PCDH9: variants seen among roughly 807,000 people sequenced by gnomAD.
The protein encoded by PCDH9 is protocadherin-9.
In PCDH9, 24 loss-of-function variants were observed where a neutral mutation model predicts 70.6. The observed-to-expected ratio is 0.34, with a 90% CI of 0.25 to 0.48. PCDH9 has a LOEUF of 0.48. PCDH9 is among the 20% of genes least tolerant of loss of function. PCDH9 has a pLI of 0.99. For missense variants in PCDH9, 1,281 were observed against 1,503.6 expected, an observed-to-expected ratio of 0.85 and a Z score of 2.45; for synonymous variants, 562 against 558.5, an observed-to-expected ratio of 1.01 and a Z score of -0.09.
At chr13:66,345,728 C>T (rs879821263) in intron 4 of PCDH9, among the ~76,000 whole-genome samples, 2 of 152,138 alleles carry the variant, frequency 1.3e-5, no homozygotes, top group Non-Finnish European at 2.9e-5. Flanking sequence ...TCCAGAGATG[C>T]GCCATGTCCA....
chr13:66,793,629 C>T (rs1160587737), intron 3 of PCDH9, among the ~76,000 whole-genome samples: 4 of 151,984 alleles, frequency 2.6e-5, no homozygotes, highest in Non-Finnish European at 5.9e-5. Flanking sequence ...GGTCCATCAC[C>T]TTTTTCTCTC....
intron 2 of PCDH9, among the ~76,000 whole-genome samples, chr13:66,952,955 C>T (rs1440646588): frequency 6.6e-6 from 1 of 152,120 alleles, no homozygotes; most frequent in Non-Finnish European, 1.5e-5. Flanking sequence ...GTGTTCTTAA[C>T]CCATATTTAG....
chr13:66,554,732 G>T (rs1445712455), intron 4 of PCDH9, among the ~76,000 whole-genome samples: 2 of 151,866 alleles, frequency 1.3e-5, no homozygotes, highest in Non-Finnish European at 2.9e-5. Flanking sequence ...AGATACTAAA[G>T]ATTAATTTAA....
chr13:67,211,420 T>G (rs527786118), intron 2 of PCDH9: 1 of 152,166 alleles, frequency 6.6e-6, no homozygotes, highest in East Asian at 1.9e-4. Context: ...TAAAATATGT[T>G]TGTACAAGAA....
chr13:67,168,902 T>A (rs1410741942), intron 2 of PCDH9, among the ~76,000 whole-genome samples: 1 of 152,252 alleles, frequency 6.6e-6, no homozygotes, highest in African/African-American at 2.4e-5. Context: ...AGCCATCTTT[T>A]GAATGACGGT....
chr13:67,112,668 TC>T (rs1312592582), intron 2 of PCDH9, among the ~76,000 whole-genome samples: 1 of 146,124 alleles, frequency 6.8e-6, no homozygotes, highest in Non-Finnish European at 1.5e-5. Flanking sequence ...CCTTCCTCCC[TC>T]CCTTCCTCCC....
At chr13:67,043,452 G>A (rs1468139720) in intron 2 of PCDH9, among the ~76,000 whole-genome samples, 3 of 152,220 alleles carry the variant, frequency 2.0e-5, no homozygotes, top group Non-Finnish European at 4.4e-5. Context: ...GGAGAAAATC[G>A]AAAGTTTCTT....
At chr13:66,994,811 A>G (rs2084077770) in intron 2 of PCDH9, among the ~76,000 whole-genome samples, 1 of 152,172 alleles carries the variant, frequency 6.6e-6, no homozygotes. Context: ...ACTCTACGCT[A>G]TATATAAATA....
At chr13:66,589,603 A>G (rs1420750388) in intron 4 of PCDH9, among the ~76,000 whole-genome samples, 2 of 152,094 alleles carry the variant, frequency 1.3e-5, no homozygotes, top group Non-Finnish European at 2.9e-5. Flanking sequence ...CTTGAAAACC[A>G]GAGTTCCATT....
chr13:66,822,308 A>C (rs907929214), intron 3 of PCDH9, among the ~76,000 whole-genome samples: 1 of 152,140 alleles, frequency 6.6e-6, no homozygotes, highest in Non-Finnish European at 1.5e-5. Context: ...TAAATCAGAC[A>C]TCTCTCATTA....
intron 3 of PCDH9, among the ~76,000 whole-genome samples, chr13:66,816,381 T>C (rs1399664786): frequency 6.6e-6 from 1 of 152,126 alleles, no homozygotes; most frequent in Non-Finnish European, 1.5e-5. Flanking sequence ...ATTGATAATA[T>C]AGCCCAGGTA....
intron 4 of PCDH9, among the ~76,000 whole-genome samples, chr13:66,411,945 C>T (rs1482614345): frequency 6.6e-6 from 1 of 152,142 alleles, no homozygotes; most frequent in African/African-American, 2.4e-5. Flanking sequence ...TTTCAAGCCA[C>T]TCAAAACTAT....
intron 4 of PCDH9, among the ~76,000 whole-genome samples, chr13:66,531,270 A>G (rs374334069): frequency 1.3e-5 from 2 of 152,076 alleles, no homozygotes; most frequent in African/African-American, 4.8e-5. Flanking sequence ...CCACTTTTGC[A>G]TTTATTTTGA....
At chr13:66,551,004 T>C (rs559460060) in intron 4 of PCDH9, among the ~76,000 whole-genome samples, 1 of 152,364 alleles carries the variant, frequency 6.6e-6, no homozygotes, top group East Asian at 1.9e-4. Flanking sequence ...ATGACATTTT[T>C]AGAAATGTGG....
At chr13:66,629,365 C>A (rs2077540340) in intron 4 of PCDH9, among the ~76,000 whole-genome samples, 1 of 152,188 alleles carries the variant, frequency 6.6e-6, no homozygotes, top group Non-Finnish European at 1.5e-5. Context: ...AGACTCTTAG[C>A]TTTACTTCAA....
chr13:66,311,712 ACCACTTTATTCTATGC>A (rs958556899), intron 4 of PCDH9, among the ~76,000 whole-genome samples: 3 of 152,148 alleles, frequency 2.0e-5, no homozygotes, highest in African/African-American at 7.2e-5. Context: ...ACTATTTCAG[ACCACTTTATTCTATGC>A]CCACTTTATT....
chr13:66,709,074 A>C (rs1477358076), intron 3 of PCDH9, among the ~76,000 whole-genome samples: 1 of 152,182 alleles, frequency 6.6e-6, no homozygotes, highest in East Asian at 1.9e-4. Flanking sequence ...CATTTGTAAT[A>C]TATTGTGAGA....
At chr13:66,918,533 A>C (rs1222847758) in intron 2 of PCDH9, among the ~76,000 whole-genome samples, 1 of 151,248 alleles carries the variant, frequency 6.6e-6, no homozygotes, top group African/African-American at 2.4e-5. Context: ...ATTCAGTATT[A>C]CTTAGGCAAA....
chr13:66,359,015 T>C (rs769243219), intron 4 of PCDH9, among the ~76,000 whole-genome samples: 44 of 151,986 alleles, frequency 2.9e-4, no homozygotes, highest in Non-Finnish European at 5.3e-4. Context: ...GATTTCATAC[T>C]ACATTGGCTT....
Sources: allele counts gnomAD v4.1 joint callset (sites outside exome capture counted in the v4.1 genomes callset), GRCh38; gene constraint gnomAD v4.1.1; transcripts MANE v1.5; gene names NCBI Gene and HGNC (gene_info 2026-07-23, HGNC 2026-07-21).